Variants in FSCN2 observed in about 807,000 individuals in gnomAD.
The protein encoded by FSCN2 is fascin actin-bundling protein 2, retinal, also known as fascin-2.
A neutral mutation model predicts 37.8 loss-of-function variants in FSCN2; 46 were observed. The observed-to-expected ratio is 1.22, with a 90% CI of 0.96 to 1.56. FSCN2 has a LOEUF of 1.56. Among genes scored for constraint, FSCN2 ranks in the 40% most tolerant of loss-of-function variants. The pLI is 0.00. For missense variants in FSCN2, 844 were observed against 730.4 expected (o/e 1.16, Z -1.79); for synonymous variants, 351 against 309.4 (o/e 1.13, Z -1.41).
rs1371497847 is a variant in FSCN2, at chr17:81,537,065, G to A, written c.1464G>A (p.Ala488=). 36 of 1,456,842 alleles carry A rather than the reference G, an allele frequency of 2.5e-5. No individual in the cohort carries two copies. The highest frequency in any genetic ancestry group is 3.2e-5 in the Non-Finnish European group (36 of 1,111,784). The allele number at this position is 1,456,842 out of a possible 1,614,324, so 90.2% of individuals were successfully genotyped here. Residue 488 remains alanine (A), a synonymous_variant, in exon 5 of 5, where the codon GCG becomes GCA. Coordinates refer to ENST00000417245, the MANE Select transcript of FSCN2 (RefSeq NM_012418.4). ...ATGCCGACGCCCCGGCCGGGACCGCGCTTTGGGAGTACTGAGGCCGCGCCC... is the reference window on the plus strand; with the variant it reads ...ATGCCGACGCCCCGGCCGGGACCGCACTTTGGGAGTACTGAGGCCGCGCCC... The part of the protein sequence containing the change: ...RADADAPAGT[A]LWEY
intron 2 of FSCN2, among the ~76,000 whole-genome samples, chr17:81,535,886 C>T (rs1326236492): frequency 1.3e-5 from 2 of 148,438 alleles, no homozygotes; most frequent in East Asian, 4.0e-4. Flanking sequence ...TCCCCATCTC[C>T]ATCTTCACCA....
chr17:81,524,893 T>TCACACACACACACACACACACACA (rs138139508), upstream of FSCN2, among the ~76,000 whole-genome samples: 2 of 122,838 alleles, frequency 1.6e-5, no homozygotes, highest in East Asian at 2.1e-4. Flanking sequence ...ATGAGCACCT[T>TCACACACACACACACACACACACA]CACACACACA....
In FSCN2 at chr17:81,535,165, A is replaced by G. The variant is rs2032806322; in HGVS notation, c.940A>G (p.Thr314Ala). Residue 314 changes from threonine (T) to alanine (A), a missense_variant, in exon 2 of 5, where the codon ACC becomes GCC. Coordinates refer to ENST00000417245, the MANE Select transcript of FSCN2 (RefSeq NM_012418.4). Reference sequence around the variant, plus strand: ...CTATTCCAGCACTGGGGGCTACTGGACCCTGGTCACCCATGGGGGCATTCA... The same window carrying G: ...CTATTCCAGCACTGGGGGCTACTGGGCCCTGGTCACCCATGGGGGCATTCA... The part of the protein sequence containing the change: ...TFYSSTGGYW[T>A]LVTHGGIHAT... 8 of 1,533,360 alleles carry G rather than the reference A, an allele frequency of 5.2e-6. No homozygotes were observed. In the South Asian group the frequency reaches 9.6e-5, roughly 18 times the overall value. The allele number at this position is 1,533,360 out of a possible 1,614,324, so 95.0% of individuals were successfully genotyped here.
chr17:81,526,739 C>T (rs797037887), upstream of FSCN2, among the ~76,000 whole-genome samples: 17 of 152,370 alleles, frequency 1.1e-4, no homozygotes, highest in African/African-American at 4.1e-4. Context: ...CCTGTGTCCT[C>T]AGTCCCCTGG....
chr17:81,528,004 A>C (rs2032403789), upstream of FSCN2, among the ~76,000 whole-genome samples: 1 of 151,724 alleles, frequency 6.6e-6, no homozygotes, highest in Non-Finnish European at 1.5e-5. Context: ...ACGGGCGGCG[A>C]TCAGGTTGCG....
In FSCN2 at chr17:81,537,119, GTC is replaced by G; in HGVS notation, c.*44_*45del. ...CCAGCCTGTCGCGCATTAAAACCGT[GTC>G]TCTCCCGCAGCTGTGGGTGGGCCCC... is the stretch of plus-strand genomic sequence containing the variant. On this transcript the variant is annotated 3_prime_UTR_variant, in exon 5 of 5. Coordinates refer to ENST00000417245, the MANE Select transcript of FSCN2 (RefSeq NM_012418.4). 7.4e-7 allele frequency: 1 copy of G among 1,357,968 alleles called. No homozygotes were observed. Among genetic ancestry groups the G allele is most frequent in the East Asian group, 3.0e-5 (1 of 32,972 alleles). The allele number at this position is 1,357,968 out of a possible 1,614,324, so 84.1% of individuals were successfully genotyped here.
intron 1 of FSCN2, among the ~76,000 whole-genome samples, chr17:81,531,330 G>A (rs797033305): frequency 7.2e-5 from 5 of 69,346 alleles, no homozygotes; most frequent in African/African-American, 2.0e-4. Flanking sequence ...GATGGTGGTG[G>A]TGGTGATGGT....
At chr17:81,532,506 A>ATGC (rs2032719832) in intron 1 of FSCN2, among the ~76,000 whole-genome samples, 2 of 76,784 alleles carry the variant, frequency 2.6e-5, no homozygotes, top group African/African-American at 6.9e-5. Flanking sequence ...GATGGTGATG[A>ATGC]TAATGGTGAC....
At chr17:81,531,324 G>GTGGTGA (rs2032564593) in intron 1 of FSCN2, among the ~76,000 whole-genome samples, 1 of 30,626 alleles carries the variant, frequency 3.3e-5, no homozygotes, top group African/African-American at 9.4e-5. Context: ...GGTGATGATG[G>GTGGTGA]TGGTGGTGGT....
upstream of FSCN2, among the ~76,000 whole-genome samples, chr17:81,524,132 C>T (rs888165393): frequency 2.6e-5 from 4 of 152,226 alleles, no homozygotes; most frequent in Non-Finnish European, 5.9e-5. Flanking sequence ...CCTAAGGGCT[C>T]TCGGGAAACC....
chr17:81,531,189 G>GTGATGGTGA (rs1568076788), intron 1 of FSCN2, among the ~76,000 whole-genome samples: 11 of 111,428 alleles, frequency 9.9e-5, no homozygotes, highest in South Asian at 6.2e-4. Context: ...GATGATGGTG[G>GTGATGGTGA]TGATGGTGGT....
At chr17:81,517,270 C>T in the FSCN2 span, among the ~76,000 whole-genome samples, 1 of 152,074 alleles carries the variant, frequency 6.6e-6, no homozygotes, top group Non-Finnish European at 1.5e-5. Flanking sequence ...CTGGAAGAGC[C>T]CTGAGCTGGG....
chr17:81,529,351 CG>C lies in FSCN2; in HGVS notation c.822del (p.Gln275LysfsTer13). 3.2e-6 allele frequency: 5 copies of C among 1,541,006 alleles called. No homozygotes were observed. The highest frequency in any genetic ancestry group is 4.4e-6 in the Non-Finnish European group (5 of 1,141,874). On this transcript the variant is annotated frameshift_variant, in exon 1 of 5. Coordinates refer to ENST00000417245, the MANE Select transcript of FSCN2 (RefSeq NM_012418.4). LOFTEE classifies it high-confidence loss of function. ...VAANHRYVSVRQGVNVSANQD... is the reference protein window; with the variant it reads ...VAANHRYVSVXQGVNVSANQD... ...TGCCAACCACCGCTACGTCTCTGTG[CG>C]GCAAGGTAGGGAGGGCACAGGTGGC...
chr17:81,529,475 C>G, intron 1 of FSCN2, 118 bp downstream of exon 1: 1 of 910,008 alleles, frequency 1.1e-6, no homozygotes, highest in East Asian at 2.5e-5. Context: ...CATGTCTGTT[C>G]TGGGCTGGGG....
chr17:81,535,538 C>T (rs2032833731), intron 2 of FSCN2, among the ~76,000 whole-genome samples: 1 of 136,128 alleles, frequency 7.3e-6, no homozygotes, highest in Non-Finnish European at 1.6e-5. Context: ...TCACCATCAT[C>T]ACCATCCCCA....
intron 1 of FSCN2, among the ~76,000 whole-genome samples, chr17:81,532,714 T>C (rs1395347645): frequency 1.1e-5 from 1 of 90,196 alleles, no homozygotes; most frequent in East Asian, 2.0e-4. Flanking sequence ...ATAGTGATGG[T>C]GGTGGTGATA....
At position 81,528,559 on chromosome 17, in the gene FSCN2, C is replaced by T. The variant is rs782578518; in HGVS notation, c.28C>T (p.Leu10=). Residue 10 remains leucine, a synonymous_variant, in exon 1 of 5, where the codon CTG becomes TTG. Coordinates refer to ENST00000417245, the MANE Select transcript of FSCN2 (RefSeq NM_012418.4). Reference sequence around the variant, plus strand: ...GCCGACGAACGGCCTGCACCAGGTGCTGAAGATCCAGTTTGGCCTCGTCAA... The same window carrying T: ...GCCGACGAACGGCCTGCACCAGGTGTTGAAGATCCAGTTTGGCCTCGTCAA... MPTNGLHQV[L]KIQFGLVNDT... The T allele has an allele frequency of 1.9e-6, 3 of 1,605,174 alleles. No individual in the cohort carries two copies. The highest frequency in any genetic ancestry group is 2.7e-5 in the African/African-American group (2 of 74,776).
At chr17:81,520,187 C>T in the FSCN2 span, among the ~76,000 whole-genome samples, 1 of 152,110 alleles carries the variant, frequency 6.6e-6, no homozygotes, top group African/African-American at 2.4e-5. Flanking sequence ...AGGGGATGTC[C>T]AGTGCCACAC....
In FSCN2 at chr17:81,537,106, G is replaced by T. The variant is rs920137949; in HGVS notation, c.*26G>T. On this transcript the variant is annotated 3_prime_UTR_variant, in exon 5 of 5. Coordinates refer to ENST00000417245, the MANE Select transcript of FSCN2 (RefSeq NM_012418.4). ...GGCCGCGCCCAGACCAGCCTGTCGC[G>T]CATTAAAACCGTGTCTCTCCCGCAG... The T allele has an allele frequency of 2.2e-6, 3 of 1,383,664 alleles. No individual in the cohort carries two copies. The highest frequency in any genetic ancestry group is 3.7e-5 in the Admixed American group (1 of 27,256). The allele number at this position is 1,383,664 out of a possible 1,614,324, so 85.7% of individuals were successfully genotyped here.
Sources: allele counts gnomAD v4.1 joint callset (sites outside exome capture counted in the v4.1 genomes callset), GRCh38; gene constraint gnomAD v4.1.1; transcripts MANE v1.5; gene names NCBI Gene and HGNC (gene_info 2026-07-23, HGNC 2026-07-21).